The following COL4A2 variants were observed in gnomAD, a reference collection of about 807,000 sequenced individuals.
COL4A2 encodes collagen alpha-2(IV) chain.
COL4A2 carries 99 observed loss-of-function variants against 200.2 expected under a neutral mutation model. That is an observed-to-expected ratio of 0.49 (90% CI 0.42 to 0.58). COL4A2 has a LOEUF of 0.58. COL4A2 is among the 20% of genes least tolerant of loss of function. COL4A2 has a pLI of 0.00. For missense variants in COL4A2, 1,950 were observed against 2,314.1 expected, an observed-to-expected ratio of 0.84 and a Z score of 3.23; for synonymous variants, 897 against 900.6, an observed-to-expected ratio of 1.00 and a Z score of 0.07.
At chr13:110,331,454 G>A (rs1242806196) in intron 3 of COL4A2, among the ~76,000 whole-genome samples, 2 of 152,214 alleles carry the variant, frequency 1.3e-5, no homozygotes, top group South Asian at 2.1e-4. Context: ...GCAGCCGGCC[G>A]TGGCTGCCTT....
At chr13:110,411,857 A>G (rs1336907115) in intron 4 of COL4A2, among the ~76,000 whole-genome samples, 1 of 152,166 alleles carries the variant, frequency 6.6e-6, no homozygotes, top group African/African-American at 2.4e-5. Context: ...TCTTTCATAT[A>G]CCAGCCAAAT....
At chr13:110,372,885 C>T (rs1878078717) in intron 4 of COL4A2, among the ~76,000 whole-genome samples, 1 of 152,190 alleles carries the variant, frequency 6.6e-6, no homozygotes, top group Non-Finnish European at 1.5e-5. Context: ...GATGTGCACA[C>T]TGCATGTCAT....
intron 4 of COL4A2, among the ~76,000 whole-genome samples, chr13:110,422,317 A>G (rs577037786): frequency 6.6e-5 from 10 of 152,352 alleles, no homozygotes; most frequent in Admixed American, 3.3e-4. Context: ...CAAACTTAAC[A>G]ACAAATGTCG....
intron 34 of COL4A2, among the ~76,000 whole-genome samples, chr13:110,486,309 G>T (rs1883117268): frequency 6.6e-6 from 1 of 152,186 alleles, no homozygotes; most frequent in African/African-American, 2.4e-5. Flanking sequence ...TGTTGTGATG[G>T]TAACAATGGT....
At chr13:110,478,718 C>T (rs1398977500) in intron 30 of COL4A2, among the ~76,000 whole-genome samples, 2 of 152,262 alleles carry the variant, frequency 1.3e-5, no homozygotes, top group African/African-American at 4.8e-5. Flanking sequence ...CTACACTTCA[C>T]GGTCCAGGGA....
At chr13:110,314,470 G>A (rs1306858254) in intron 3 of COL4A2, among the ~76,000 whole-genome samples, 1 of 152,222 alleles carries the variant, frequency 6.6e-6, no homozygotes, top group Admixed American at 6.5e-5. Context: ...TACAGCAGAG[G>A]TAGACCCAAG....
At position 110,357,450 on chromosome 13, in the gene COL4A2, G is replaced by A. The variant is rs181681398; in HGVS notation, c.100-22G>A. 51 of 1,570,754 alleles carry A rather than the reference G, an allele frequency of 3.2e-5. 1 individual carries two copies. In the African/African-American group the frequency reaches 5.8e-4, roughly 18 times the overall value. On this transcript the variant is annotated intron_variant, in intron 3 of 47. Transcript: ENST00000360467. ...GGCAATGTTTAGGTAACTTTTCTTT[G>A]CCTTGTGTTTTATTGTTGCAGGGTG...
intron 16 of COL4A2, 31 bp from the exon 17 acceptor site, chr13:110,445,798 C>T: frequency 6.2e-7 from 1 of 1,613,906 alleles, no homozygotes; most frequent in East Asian, 2.2e-5. Flanking sequence ...ACATCAGAGA[C>T]AAAAATTAAA....
intron 4 of COL4A2, among the ~76,000 whole-genome samples, chr13:110,394,799 C>G (rs965960585): frequency 2.0e-5 from 3 of 152,200 alleles, no homozygotes; most frequent in Admixed American, 1.3e-4. Context: ...AAACATACAC[C>G]AGAGTTCTGG....
rs191605973 is a variant in COL4A2, at chr13:110,428,285, G to A, written c.361-182G>A. Among the ~76,000 whole-genome samples the A allele has an allele frequency of 8.5e-5, 13 of 152,344 alleles. No individual in the cohort carries two copies. In the East Asian group the frequency reaches 1.5e-3, roughly 18 times the overall value. On this transcript the variant is annotated intron_variant, in intron 6 of 47. Transcript: ENST00000360467. ...TCGAAATCTTTTCCCTGCTTAGAAC[G>A]ATACCTTATGCCTTCACTTATTTAA...
chr13:110,442,769 A>G (rs879633443), intron 16 of COL4A2, among the ~76,000 whole-genome samples: 1 of 152,256 alleles, frequency 6.6e-6, no homozygotes, highest in African/African-American at 2.4e-5. Context: ...TAGGGGAAAC[A>G]TATCTTTAGT....
chr13:110,430,680 T>C (rs376087853), intron 10 of COL4A2, 73 bp downstream of exon 10: 98 of 1,587,816 alleles, frequency 6.2e-5, no homozygotes, highest in Non-Finnish European at 7.8e-5. Context: ...ACTTCTTCAA[T>C]GGTTGACTCC....
Position 110,489,752 on chromosome 13 carries a change from C to G in COL4A2, c.3313C>G (p.Leu1105Val). ...DTINLPGRPG[L>V]KGERGTTGIP... ...TATAAATTTACCAGGAAGACCAGGC[C>G]TGAAGGGGGAGCGGGGCACCACTGG... The change falls in exon 36 of 48, where the codon CTG becomes GTG. Residue 1105 changes from leucine (L) to valine (V), a missense_variant. By Grantham distance (32) the Leu-to-Val change is conservative. Around this residue, in one of 2 missense-constraint regions of COL4A2, gnomAD observed 1,385 missense variants for 1,720.5 expected, o/e 0.80. Transcript: ENST00000360467. The G allele has an allele frequency of 6.2e-7, 1 of 1,613,162 alleles. No homozygotes were observed. Among genetic ancestry groups the G allele is most frequent in the Non-Finnish European group, 8.5e-7 (1 of 1,179,776 alleles).
intron 24 of COL4A2, 63 bp from the exon 25 acceptor site, chr13:110,465,342 G>A: frequency 6.6e-7 from 1 of 1,518,320 alleles, no homozygotes; most frequent in Non-Finnish European, 8.8e-7. Context: ...AAGGAAACAG[G>A]GAAGTCGAGG....
rs374381066 is a variant in COL4A2, at chr13:110,465,177, A to G, written c.1777-228A>G. 3.2e-4 allele frequency among the ~76,000 whole-genome samples: 48 copies of G among 152,282 alleles called. No individual in the cohort carries two copies. In the South Asian group the frequency reaches 3.3e-3, roughly 11 times the overall value. On this transcript the variant is annotated intron_variant, in intron 24 of 47. Transcript: ENST00000360467. Reference sequence around the variant, plus strand: ...AAGAGAGAAATGCTCAAGCATGTACATGTGCCTTCCAGAACCGGCTTCCGT... The same window carrying G: ...AAGAGAGAAATGCTCAAGCATGTACGTGTGCCTTCCAGAACCGGCTTCCGT...
intron 4 of COL4A2, among the ~76,000 whole-genome samples, chr13:110,403,153 T>C (rs1257543888): frequency 1.3e-5 from 2 of 152,204 alleles, no homozygotes; most frequent in Non-Finnish European, 2.9e-5. Flanking sequence ...CTCATCTCTT[T>C]ATCAAATGTT....
At chr13:110,500,858 G>T (rs1464014832) in intron 40 of COL4A2, among the ~76,000 whole-genome samples, 1 of 152,174 alleles carries the variant, frequency 6.6e-6, no homozygotes. Flanking sequence ...TCTCCATAAG[G>T]GACTTCACAG....
rs775464990 is a variant in COL4A2 at position 110,465,448 on chromosome 13, GA to G, written c.1822del (p.Ile608TyrfsTer52). Reference sequence around the variant, plus strand: ...CCTCCAGGGGACCCAGGCTATCCAGGAATACCTGGAACGAAGGGTACTCCAG... The same window carrying G: ...CCTCCAGGGGACCCAGGCTATCCAGGATACCTGGAACGAAGGGTACTCCAG... ...KGPPGDPGYP[G>X]IPGTKGTPGE... is the part of the protein sequence containing the mutation. On this transcript the variant is annotated frameshift_variant, in exon 25 of 48. Coordinates refer to ENST00000360467, the MANE Select transcript of COL4A2 (RefSeq NM_001846.4). LOFTEE classifies it high-confidence loss of function. The G allele has an allele frequency of 6.2e-7, 1 of 1,613,824 alleles. No individual in the cohort carries two copies. The highest frequency in any genetic ancestry group is 8.5e-7 in the Non-Finnish European group (1 of 1,179,944).
At chr13:110,378,966 G>A (rs1211358941) in intron 4 of COL4A2, among the ~76,000 whole-genome samples, 1 of 152,192 alleles carries the variant, frequency 6.6e-6, no homozygotes, top group Non-Finnish European at 1.5e-5. Context: ...TCCGGCTCCT[G>A]TAAAGGGGAG....
Sources: allele counts gnomAD v4.1 joint callset (sites outside exome capture counted in the v4.1 genomes callset), GRCh38; gene constraint gnomAD v4.1.1; regional missense constraint gnomAD v4.1.1; transcripts MANE v1.5; gene names NCBI Gene and HGNC (gene_info 2026-07-23, HGNC 2026-07-21).